Variants in LOXHD1 observed in about 807,000 individuals in gnomAD.
LOXHD1 encodes the protein lipoxygenase homology PLAT domains 1.
In LOXHD1, 205 loss-of-function variants were observed where a neutral mutation model predicts 248.2. That is an observed-to-expected ratio of 0.83 (90% CI 0.74 to 0.93). The LOEUF (loss-of-function observed/expected upper bound fraction) is 0.93, where lower values mean the gene tolerates loss of function less well. Among genes scored for constraint, LOXHD1 ranks in the 40% least tolerant of loss-of-function variants. The pLI, the probability that LOXHD1 is intolerant of heterozygous loss-of-function variation, is 0.00. For missense variants in LOXHD1, 2,930 were observed against 2,971.6 expected, an observed-to-expected ratio of 0.99 and a Z score of 0.33; for synonymous variants, 1,113 against 1,162.8, an observed-to-expected ratio of 0.96 and a Z score of 0.87.
intron 40 of LOXHD1, among the ~76,000 whole-genome samples, chr18:46,478,693 T>A (rs1484630331): frequency 1.3e-5 from 2 of 152,174 alleles, no homozygotes; most frequent in Non-Finnish European, 2.9e-5. Context: ...TATGTATTTT[T>A]AATTTTTATT....
chr18:46,628,819 T>G (rs12604411), intron 4 of LOXHD1, among the ~76,000 whole-genome samples: 28,255 of 152,178 alleles, frequency 0.19, 2,782 homozygotes, highest in East Asian at 0.4. Context: ...CCCCAGCTAA[T>G]CTTATCAGGT....
At position 46,505,944 on chromosome 18, in the gene LOXHD1, C is replaced by T. The variant is rs375400056; in HGVS notation, c.5772G>A (p.Ser1924=). 86 of 1,551,958 alleles carry T rather than the reference C, an allele frequency of 5.5e-5. No individual in the cohort carries two copies. The highest frequency in any genetic ancestry group is 7.1e-5 in the Non-Finnish European group (81 of 1,147,094). ...TCCGCTCAAACTTGTTCCAGTTTGC[C>T]GACTGCTTCAGGGCCAGTGTCCCAC... The part of the protein sequence containing the change: ...GDSGTLALKQ[S]ANWNKFERNN... Residue 1924 remains serine, a synonymous_variant, in exon 37 of 41, where the codon TCG becomes TCA. Transcript: ENST00000642948.
chr18:46,533,457 G>A, intron 27 of LOXHD1, 133 bp from the exon 28 acceptor site: 1 of 889,584 alleles, frequency 1.1e-6, no homozygotes. Flanking sequence ...AAAGCCACAG[G>A]AGAGCCCCTT....
At chr18:46,542,587 G>T in intron 24 of LOXHD1, 140 bp downstream of exon 24, 2 of 1,050,236 alleles carry the variant, frequency 1.9e-6, no homozygotes, top group Non-Finnish European at 2.8e-6. Context: ...CGGCTCTACT[G>T]GGCTAAAGGG....
chr18:46,618,033 C>T (rs1270743248), intron 5 of LOXHD1, among the ~76,000 whole-genome samples, 159 bp downstream of exon 5: 1 of 152,162 alleles, frequency 6.6e-6, no homozygotes, highest in Non-Finnish European at 1.5e-5. Context: ...ACCTGCTGCC[C>T]AGGACAGGTC....
chr18:46,555,602 C>T (rs1399148637), intron 21 of LOXHD1, among the ~76,000 whole-genome samples: 2 of 152,148 alleles, frequency 1.3e-5, no homozygotes, highest in Non-Finnish European at 2.9e-5. Flanking sequence ...TGATAGGGTG[C>T]CCATTACATT....
chr18:46,578,072 T>A (rs545962176), intron 13 of LOXHD1, among the ~76,000 whole-genome samples: 6 of 152,194 alleles, frequency 3.9e-5, no homozygotes, highest in African/African-American at 1.4e-4. Flanking sequence ...CAATGTCAAG[T>A]TTCCAGCTCT....
At position 46,534,567 on chromosome 18, in the gene LOXHD1, A is replaced by G. The variant is rs2036222668; in HGVS notation, c.4096-116T>C. The G allele has an allele frequency of 4.0e-6, 3 of 751,670 alleles. No homozygotes were observed. The South Asian group carries it at 4.5e-5, about 11-fold the overall frequency. The allele number at this position is 751,670 out of a possible 1,614,324, so 46.6% of individuals were successfully genotyped here. A position where few individuals can be genotyped will look rare whatever the true frequency, so the allele number is the denominator to read the frequency against. On this transcript the variant is annotated intron_variant, in intron 26 of 40. Coordinates refer to ENST00000642948, the MANE Select transcript of LOXHD1 (RefSeq NM_001384474.1). ...CTGAGTCCCTTTGCATTTCCTCCTG[A>G]TACGTCTCCACTATCCAGCCAGGCC...
Position 46,592,489 on chromosome 18 carries a change from G to A in LOXHD1, c.1518+9C>T, listed in dbSNP as rs567534015. On this transcript the variant is annotated intron_variant, in intron 11 of 40. Transcript: ENST00000642948. ...ACAACCTCCCAAACCCCAAGATGGT[G>A]CATCTCACCCTTTCTAAATGCCATC... is the stretch of plus-strand genomic sequence containing the variant. 6 of 1,548,122 alleles carry A rather than the reference G, an allele frequency of 3.9e-6. No homozygotes were observed. Among genetic ancestry groups the A allele is most frequent in the South Asian group, 2.4e-5 (2 of 83,928 alleles).
intron 19 of LOXHD1, 35 bp downstream of exon 19, chr18:46,560,048 T>TGCCGGCGCCC: frequency 8.2e-7 from 1 of 1,226,296 alleles, no homozygotes; most frequent in Non-Finnish European, 1.1e-6. Context: ...GTCTGGCCAC[T>TGCCGGCGCCC]CCCTCCCCAC....
At chr18:46,593,375 A>C (rs1373474778) in intron 10 of LOXHD1, among the ~76,000 whole-genome samples, 1 of 152,146 alleles carries the variant, frequency 6.6e-6, no homozygotes, top group Non-Finnish European at 1.5e-5. Flanking sequence ...TTGGTTCTGG[A>C]CTGTTTGATT....
chr18:46,540,398 G>A (rs2036507458), intron 25 of LOXHD1, among the ~76,000 whole-genome samples: 1 of 152,136 alleles, frequency 6.6e-6, no homozygotes, highest in Non-Finnish European at 1.5e-5. Flanking sequence ...ACCCTGCTGG[G>A]TGCTCAACCA....
chr18:46,485,184 A>T (rs1357289769), intron 38 of LOXHD1, 33 bp from the exon 39 acceptor site: 2 of 1,532,514 alleles, frequency 1.3e-6, no homozygotes, highest in South Asian at 2.4e-5. Flanking sequence ...GGGTCAGCAC[A>T]GGGGAAGCAG....
chr18:46,630,768 T>C (rs906429827), intron 4 of LOXHD1, among the ~76,000 whole-genome samples: 12 of 127,894 alleles, frequency 9.4e-5, no homozygotes, highest in African/African-American at 3.5e-4. Flanking sequence ...TCAAAGTGGG[T>C]ATGGGGGGGG....
At chr18:46,643,659 G>A (rs1044804490) in intron 2 of LOXHD1, among the ~76,000 whole-genome samples, 1 of 151,968 alleles carries the variant, frequency 6.6e-6, no homozygotes, top group Non-Finnish European at 1.5e-5. Context: ...CTGCACATCA[G>A]GATTATATAA....
chr18:46,506,062 CTT>C (rs1251729293), intron 36 of LOXHD1, 39 bp from the exon 37 acceptor site: 44 of 1,546,462 alleles, frequency 2.8e-5, no homozygotes, highest in Non-Finnish European at 3.3e-5. Flanking sequence ...GTGCCAGCCT[CTT>C]TGACACACAG....
At chr18:46,560,057 A>ACCC in intron 19 of LOXHD1, 26 bp downstream of exon 19, 6 of 261,644 alleles carry the variant, frequency 2.3e-5, no homozygotes, top group East Asian at 1.3e-4. Context: ...CTCCCTCCCC[A>ACCC]CCCCCACCCC....
At chr18:46,607,758 C>G (rs987080869) in intron 6 of LOXHD1, among the ~76,000 whole-genome samples, 1 of 151,706 alleles carries the variant, frequency 6.6e-6, no homozygotes, top group Non-Finnish European at 1.5e-5. Flanking sequence ...GACAAGTTCT[C>G]AAGGAATGCA....
chr18:46,544,411 G>A (rs939894086), intron 23 of LOXHD1, among the ~76,000 whole-genome samples: 3 of 152,146 alleles, frequency 2.0e-5, no homozygotes, highest in Non-Finnish European at 2.9e-5. Context: ...TGCCAAAGCC[G>A]ATTAATTTCT....
Sources: gnomAD v4.1 joint callset for allele counts (sites outside exome capture counted in the v4.1 genomes callset) on GRCh38, gnomAD v4.1.1 for gene constraint, MANE v1.5 for transcripts, NCBI Gene and HGNC (gene_info 2026-07-23, HGNC 2026-07-21) for gene names.